Variants in FCHO1 observed in about 807,000 individuals in gnomAD.
FCHO1 encodes F-BAR domain only protein 1.
Under a neutral mutation model 114.4 loss-of-function variants are expected in FCHO1, and 45 were observed. That is an observed-to-expected ratio of 0.39 (90% CI 0.31 to 0.50). FCHO1 has a LOEUF of 0.50. Ranked by LOEUF, FCHO1 falls within the 20% of genes least tolerant of loss-of-function variation. The pLI, the probability that FCHO1 is intolerant of heterozygous loss-of-function variation, is 0.77. For synonymous variants in FCHO1, 480 were observed against 488.9 expected (o/e 0.98, Z 0.24); for missense variants, 1,042 against 1,209.6 (o/e 0.86, Z 2.06).
rs1474834579 is a variant in FCHO1 at position 17,784,355 on chromosome 19, A to G, written c.2226+120A>G. 4 of 1,284,500 alleles carry G rather than the reference A, an allele frequency of 3.1e-6. No individual in the cohort carries two copies. Among genetic ancestry groups the G allele is most frequent in the Non-Finnish European group, 4.3e-6 (4 of 937,854 alleles). 79.6% of individuals were successfully genotyped at this position (1,284,500 alleles called of 1,614,324 possible). On this transcript the variant is annotated intron_variant, in intron 25 of 28. Transcript: ENST00000596536. The surrounding 1 kb of genome is among the most constrained non-coding windows in gnomAD (Gnocchi z 5.3). ...GGTCTCGAATTCCTGACCTCAAGAG[A>G]TCCAATCTGTGAGAGCCGATGAGCT...
chr19:17,752,587 CATTAATACAAAA>C lies in FCHO1; in HGVS notation c.-183+1028_-183+1039del, dbSNP rs755902032. ...TTGTATTTAATTTTACTTGGTTTAACATTAATACAAAAATTAATACAAAAATTAAGGCCAGGG... is the reference window on the plus strand; with the variant it reads ...TTGTATTTAATTTTACTTGGTTTAACATTAATACAAAAATTAAGGCCAGGG... On this transcript the variant is annotated intron_variant, in intron 1 of 28. Transcript: ENST00000596536. 5.9e-4 allele frequency among the ~76,000 whole-genome samples: 90 copies of C among 151,316 alleles called. 1 individual carries two copies. The highest frequency in any genetic ancestry group is 6.5e-4 in the Non-Finnish European group (44 of 67,900).
chr19:17,780,578 G>A (rs2147281619), intron 20 of FCHO1, among the ~76,000 whole-genome samples: 1 of 152,314 alleles, frequency 6.6e-6, no homozygotes, highest in South Asian at 2.1e-4. Flanking sequence ...CTGGCATTCA[G>A]TGGGTGGAGG....
At chr19:17,765,478 C>T (rs148093427) in intron 6 of FCHO1, among the ~76,000 whole-genome samples, 13 of 152,126 alleles carry the variant, frequency 8.5e-5, no homozygotes, top group African/African-American at 3.1e-4. Context: ...TCGAGACCAG[C>T]CTGGGCAACA....
chr19:17,770,708 G>GT, intron 8 of FCHO1, 84 bp from the exon 9 acceptor site: 2 of 1,583,608 alleles, frequency 1.3e-6, no homozygotes, highest in South Asian at 2.2e-5. Context: ...GTACCCCGAG[G>GT]AGTTCACCTG....
Position 17,775,395 on chromosome 19 carries a change from G to A in FCHO1, c.946-61G>A. 1 of 1,533,778 alleles carries A rather than the reference G, an allele frequency of 6.5e-7. No individual in the cohort carries two copies. The highest frequency in any genetic ancestry group is 1.1e-5 in the South Asian group (1 of 89,386). ...GGGCAGGGCGGGGGGCGGTTGGCAGGGTGAGATGGAAGGTTCGATAGTGGG... is the reference window on the plus strand; with the variant it reads ...GGGCAGGGCGGGGGGCGGTTGGCAGAGTGAGATGGAAGGTTCGATAGTGGG... On this transcript the variant is annotated intron_variant, in intron 14 of 28. Transcript: ENST00000596536. The surrounding 1 kb of genome is among the most constrained non-coding windows in gnomAD (Gnocchi z 5.1).
Position 17,771,041 on chromosome 19 carries a change from G to A in FCHO1, c.594+145G>A, listed in dbSNP as rs939536834. On this transcript the variant is annotated intron_variant, in intron 9 of 28. Transcript: ENST00000596536. ...GGCCGAGGCGGGAGGATCACCTGAG[G>A]TCAGGAGTTTGAGACCAGCCTGGCC... 14 of 621,768 alleles carry A rather than the reference G, an allele frequency of 2.3e-5. No homozygotes were observed. In the African/African-American group the frequency reaches 2.6e-4, roughly 12 times the overall value. 38.5% of individuals were successfully genotyped at this position (621,768 alleles called of 1,614,324 possible).
Position 17,781,826 on chromosome 19 carries a change from C to A in FCHO1, c.1937+6C>A. ...TTCCGTGGCCACAGCCCCAGGTACC[C>A]AGTGATGGGCAGACAGGGCCCGTGG... is the stretch of plus-strand genomic sequence containing the variant. On this transcript the variant is annotated splice_donor_region_variant and intron_variant, in intron 23 of 28. Transcript: ENST00000596536. The A allele has an allele frequency of 6.4e-7, 1 of 1,558,386 alleles. No homozygotes were observed. The highest frequency in any genetic ancestry group is 1.9e-5 in the Admixed American group (1 of 51,940).
Position 17,788,489 on chromosome 19 carries a change from C to T in FCHO1, c.*183C>T. On this transcript the variant is annotated 3_prime_UTR_variant, in exon 29 of 29. Transcript: ENST00000596536. ...TCGCTCCTCCCCCTCATGCCAACCCCACACAGGTCCCGGCCTTTTAATGTT... is the reference window on the plus strand; with the variant it reads ...TCGCTCCTCCCCCTCATGCCAACCCTACACAGGTCCCGGCCTTTTAATGTT... The T allele has an allele frequency of 1.7e-6, 1 of 580,702 alleles. No homozygotes were observed. The highest frequency in any genetic ancestry group is 1.9e-5 in the African/African-American group (1 of 52,302). The allele number at this position is 580,702 out of a possible 1,614,324, so 36.0% of individuals were successfully genotyped here. A position where few individuals can be genotyped will look rare whatever the true frequency, so the allele number is the denominator to read the frequency against.
intron 4 of FCHO1, among the ~76,000 whole-genome samples, chr19:17,758,393 C>T (rs2084645862): frequency 6.6e-6 from 1 of 152,010 alleles, no homozygotes; most frequent in African/African-American, 2.4e-5. Flanking sequence ...CGGGAATAGC[C>T]TGGACAAAAT....
intron 13 of FCHO1, chr19:17,774,683 TCTTC>T: frequency 1.7e-6 from 1 of 595,158 alleles, no homozygotes; most frequent in Non-Finnish European, 3.0e-6. Flanking sequence ...AGTCCAGAAT[TCTTC>T]CTTTTGCTAG....
At position 17,775,150 on chromosome 19, in the gene FCHO1, A is replaced by G; in HGVS notation, c.945+70A>G. 2.6e-6 allele frequency: 4 copies of G among 1,520,564 alleles called. No homozygotes were observed. The highest frequency in any genetic ancestry group is 3.6e-6 in the Non-Finnish European group (4 of 1,111,052). 94.2% of individuals were successfully genotyped at this position (1,520,564 alleles called of 1,614,324 possible). On this transcript the variant is annotated intron_variant, in intron 14 of 28. Transcript: ENST00000596536. This position sits in a 1 kb window ranked among gnomAD's most constrained non-coding sequence, Gnocchi z 5.1. ...GTTTGATCCCACTCTTGGCTCCTAGAGTCCCGATCCCTACTGGAAACTAAA... is the reference window on the plus strand; with the variant it reads ...GTTTGATCCCACTCTTGGCTCCTAGGGTCCCGATCCCTACTGGAAACTAAA...
rs1229743464 is a variant in FCHO1, at chr19:17,751,661, G to A, written c.-183+84G>A. ...CAGAGGGGAGGCCCCCCTGCCCGGAGCCTGGGTTTCAGGAGAAGTAGCAGG... is the reference window on the plus strand; with the variant it reads ...CAGAGGGGAGGCCCCCCTGCCCGGAACCTGGGTTTCAGGAGAAGTAGCAGG... On this transcript the variant is annotated intron_variant, in intron 1 of 28. Transcript: ENST00000596536. The surrounding 1 kb of genome is among the most constrained non-coding windows in gnomAD (Gnocchi z 4.4). 8 of 152,454 alleles carry A rather than the reference G, an allele frequency of 5.2e-5. No homozygotes were observed. The highest frequency in any genetic ancestry group is 1.2e-4 in the Non-Finnish European group (8 of 68,230). The allele number at this position is 152,454 out of a possible 1,614,324, so 9.4% of individuals were successfully genotyped here.
At chr19:17,767,437 C>T (rs1473746333) in intron 7 of FCHO1, among the ~76,000 whole-genome samples, 1 of 147,420 alleles carries the variant, frequency 6.8e-6, no homozygotes, top group Admixed American at 6.8e-5. Flanking sequence ...CATGATGGCA[C>T]ATGCCGGTAG....
Position 17,757,182 on chromosome 19 carries a change from TAAAAAAA to T in FCHO1, c.27+2007_27+2013del, listed in dbSNP as rs768156240. 7.3e-3 allele frequency among the ~76,000 whole-genome samples: 605 copies of T among 83,360 alleles called. 3 individuals are homozygous for T. Among genetic ancestry groups the T allele is most frequent in the African/African-American group, 0.024 (573 of 23,484 alleles). The allele number at this position is 83,360 out of a possible 152,430, so 54.7% of individuals were successfully genotyped here. A position where few individuals can be genotyped will look rare whatever the true frequency, so the allele number is the denominator to read the frequency against. On this transcript the variant is annotated intron_variant, in intron 4 of 28. Coordinates refer to ENST00000596536, the MANE Select transcript of FCHO1 (RefSeq NM_015122.3). ...CTGGGTGATGGAGTGAGACTCCGTC[TAAAAAAA>T]AAAAAAAAAAAAAAAGACCACATTT...
At chr19:17,766,019 G>T (rs1274463958) in intron 6 of FCHO1, among the ~76,000 whole-genome samples, 2 of 147,044 alleles carry the variant, frequency 1.4e-5, no homozygotes, top group East Asian at 4.1e-4. Flanking sequence ...CTCCCGAGTA[G>T]CTGGGACTAC....
rs927948150 is a variant in FCHO1, at chr19:17,782,882, G to A, written c.1938-135G>A. On this transcript the variant is annotated intron_variant, in intron 23 of 28. Coordinates refer to ENST00000596536, the MANE Select transcript of FCHO1 (RefSeq NM_015122.3). ...AAGAGGAGGTTGGGGGAAAGGATAC[G>A]GGGGATCATCAGGGCCATCCTCCTA... 9.5e-6 allele frequency: 9 copies of A among 943,444 alleles called. No individual in the cohort carries two copies. In the South Asian group the frequency reaches 1.2e-4, roughly 12 times the overall value. The allele number at this position is 943,444 out of a possible 1,614,324, so 58.4% of individuals were successfully genotyped here. A position where few individuals can be genotyped will look rare whatever the true frequency, so the allele number is the denominator to read the frequency against.
At chr19:17,767,315 A>T (rs2089637038) in intron 7 of FCHO1, among the ~76,000 whole-genome samples, 1 of 149,458 alleles carries the variant, frequency 6.7e-6, no homozygotes, top group South Asian at 2.1e-4. Flanking sequence ...TGGGAGGCTG[A>T]GGCAGGAGGA....
intron 7 of FCHO1, among the ~76,000 whole-genome samples, chr19:17,767,997 C>T (rs2090004792): frequency 2.6e-5 from 4 of 152,192 alleles, no homozygotes. Flanking sequence ...ATTGTCTTTA[C>T]AGAGTTCCAA....
Position 17,770,800 on chromosome 19 carries a change from T to C in FCHO1, c.498T>C (p.Thr166=). Residue 166 remains threonine (T), a synonymous_variant, in exon 9 of 29, where the codon ACT becomes ACC. Transcript: ENST00000596536. ...TSQKEMDKAE[T]KTKKAAESLR... ...CTCCCTGTGCTTTGTAGGCGGAGAC[T>C]AAAACCAAGAAGGCGGCAGAGAGCC... The C allele has an allele frequency of 6.2e-7, 1 of 1,614,104 alleles. No individual in the cohort carries two copies. Among genetic ancestry groups the C allele is most frequent in the African/African-American group, 1.3e-5 (1 of 75,038 alleles).
Sources: gnomAD v4.1 joint callset for allele counts (sites outside exome capture counted in the v4.1 genomes callset) on GRCh38, gnomAD v4.1.1 for gene constraint, Gnocchi (gnomAD v3.1) non-coding constraint, MANE v1.5 for transcripts, NCBI Gene and HGNC (gene_info 2026-07-23, HGNC 2026-07-21) for gene names.